CNTN4: variants seen among roughly 807,000 people sequenced by gnomAD.
CNTN4 encodes contactin 4, also known as contactin-4.
CNTN4 carries 77 observed loss-of-function variants against 122.5 expected under a neutral mutation model. That is an observed-to-expected ratio of 0.63 (90% CI 0.52 to 0.76). The LOEUF (loss-of-function observed/expected upper bound fraction) is 0.76. Ranked by LOEUF, CNTN4 falls within the 30% of genes least tolerant of loss-of-function variation. The probability of loss-of-function intolerance (pLI) is 0.00; values close to 1 mark genes in which losing one functional copy is unlikely to be tolerated. For synonymous variants in CNTN4, 512 were observed against 447.0 expected, an observed-to-expected ratio of 1.15 and a Z score of -1.83; for missense variants, 1,256 against 1,259.1, an observed-to-expected ratio of 1.00 and a Z score of 0.04.
At chr3:2,396,884 C>T (rs1210686646) in intron 3 of CNTN4, among the ~76,000 whole-genome samples, 1 of 152,082 alleles carries the variant, frequency 6.6e-6, no homozygotes, top group Non-Finnish European at 1.5e-5. Flanking sequence ...TAATGTCATT[C>T]TTCCCATTTA....
chr3:2,693,261 G>A (rs1342150904), intron 4 of CNTN4, among the ~76,000 whole-genome samples: 1 of 152,086 alleles, frequency 6.6e-6, no homozygotes, highest in Non-Finnish European at 1.5e-5. Context: ...TTTGACCAGT[G>A]CATATTTCTG....
intron 3 of CNTN4, among the ~76,000 whole-genome samples, chr3:2,381,523 G>A (rs977231300): frequency 6.6e-6 from 1 of 152,114 alleles, no homozygotes; most frequent in Admixed American, 6.5e-5. Context: ...GTTCTGTAAT[G>A]TGGCATTAAT....
At chr3:2,172,738 T>A (rs1407572359) in intron 2 of CNTN4, among the ~76,000 whole-genome samples, 2 of 152,168 alleles carry the variant, frequency 1.3e-5, no homozygotes, top group African/African-American at 4.8e-5. Context: ...TATAGCAGAT[T>A]GCAGGAGACT....
chr3:2,874,259 G>A (rs983454486), intron 8 of CNTN4, among the ~76,000 whole-genome samples: 3 of 152,178 alleles, frequency 2.0e-5, no homozygotes, highest in African/African-American at 7.2e-5. Context: ...CTCGTTGTGT[G>A]TGGCACACTA....
intron 14 of CNTN4, among the ~76,000 whole-genome samples, chr3:2,991,782 C>T (rs1169463898): frequency 6.6e-6 from 1 of 152,156 alleles, no homozygotes; most frequent in Non-Finnish European, 1.5e-5. Flanking sequence ...AGCCCTGCAC[C>T]TTTAGTGCAA....
chr3:2,775,278 C>A (rs1321541529), intron 6 of CNTN4, among the ~76,000 whole-genome samples: 1 of 152,118 alleles, frequency 6.6e-6, no homozygotes, highest in Non-Finnish European at 1.5e-5. Flanking sequence ...TGTTTTCAAG[C>A]CTCATCTCTT....
chr3:2,303,345 C>A (rs1021992664), intron 2 of CNTN4, among the ~76,000 whole-genome samples: 1 of 152,084 alleles, frequency 6.6e-6, no homozygotes, highest in Non-Finnish European at 1.5e-5. Context: ...CCCTGCCCCC[C>A]AAAATTGCTT....
At chr3:2,978,821 A>G (rs1200434417) in intron 13 of CNTN4, among the ~76,000 whole-genome samples, 3 of 152,078 alleles carry the variant, frequency 2.0e-5, no homozygotes, top group Admixed American at 6.5e-5. Flanking sequence ...CAGCTCTGCC[A>G]TCCTCCCCTC....
chr3:2,388,940 C>A (rs1313702175), intron 3 of CNTN4, among the ~76,000 whole-genome samples: 3 of 151,930 alleles, frequency 2.0e-5, no homozygotes, highest in East Asian at 3.9e-4. Context: ...GGTAGATCAC[C>A]TAAGGTCAGG....
chr3:2,743,328 T>C (rs959225496), intron 5 of CNTN4, among the ~76,000 whole-genome samples: 2 of 152,210 alleles, frequency 1.3e-5, no homozygotes, highest in African/African-American at 4.8e-5. Context: ...ATAGAGCTGC[T>C]AGAATATAAC....
At chr3:2,777,513 A>C (rs2091372242) in intron 6 of CNTN4, among the ~76,000 whole-genome samples, 1 of 152,192 alleles carries the variant, frequency 6.6e-6, no homozygotes. Flanking sequence ...AAGTGACCTT[A>C]CCCTCTCTGG....
intron 6 of CNTN4, among the ~76,000 whole-genome samples, chr3:2,747,480 A>T (rs145975744): frequency 4.7e-4 from 2 of 4,228 alleles, no homozygotes; most frequent in African/African-American, 5.3e-4. Context: ...GCTTACATTT[A>T]AAAAAAAAAA....
intron 3 of CNTN4, among the ~76,000 whole-genome samples, chr3:2,445,932 G>A (rs75871790): frequency 4.4e-3 from 675 of 152,244 alleles, no homozygotes; most frequent in Non-Finnish European, 7.5e-3. Context: ...TAGGTTGTAT[G>A]ATTCTTGAGG....
chr3:2,285,021 A>T (rs1055677911), intron 2 of CNTN4, among the ~76,000 whole-genome samples: 1 of 151,996 alleles, frequency 6.6e-6, no homozygotes, highest in Non-Finnish European at 1.5e-5. Context: ...ATCTAATAAG[A>T]TACGTTTTTA....
intron 3 of CNTN4, among the ~76,000 whole-genome samples, chr3:2,503,546 T>G (rs2076653116): frequency 6.6e-6 from 1 of 152,116 alleles, no homozygotes; most frequent in South Asian, 2.1e-4. Flanking sequence ...ATTATCCCCA[T>G]TTTACAGAAA....
Position 2,703,073 on chromosome 3 carries a change from C to T in CNTN4, c.56-33142C>T, listed in dbSNP as rs1490004518. ...CAGGTAGTATCTAATTCAATTATCA[C>T]AGCACTAGGCAATAGTTATTCTTAT... On this transcript the variant is annotated intron_variant, in intron 4 of 24. Coordinates refer to ENST00000418658, the MANE Select transcript of CNTN4 (RefSeq NM_175607.3). 3.9e-5 allele frequency among the ~76,000 whole-genome samples: 6 copies of T among 152,286 alleles called. No individual in the cohort carries two copies. In the East Asian group the frequency reaches 7.7e-4, roughly 20 times the overall value.
At chr3:2,940,997 G>T (rs1319272700) in intron 13 of CNTN4, among the ~76,000 whole-genome samples, 1 of 152,176 alleles carries the variant, frequency 6.6e-6, no homozygotes, top group African/African-American at 2.4e-5. Context: ...GAGGTGGTTT[G>T]TTCCAAAGGA....
intron 3 of CNTN4, among the ~76,000 whole-genome samples, chr3:2,443,878 G>C (rs1314542107): frequency 1.3e-5 from 2 of 152,038 alleles, no homozygotes; most frequent in African/African-American, 4.8e-5. Flanking sequence ...TGTATAAATG[G>C]ATTCATTTGT....
chr3:2,641,143 A>G (rs1330474296), intron 4 of CNTN4, among the ~76,000 whole-genome samples: 1 of 152,198 alleles, frequency 6.6e-6, no homozygotes, highest in Non-Finnish European at 1.5e-5. Context: ...TTTTTAAAAA[A>G]GAAATGCACC....
Sources: gnomAD v4.1 joint callset for allele counts (sites outside exome capture counted in the v4.1 genomes callset) on GRCh38, gnomAD v4.1.1 for gene constraint, MANE v1.5 for transcripts, NCBI Gene and HGNC (gene_info 2026-07-23, HGNC 2026-07-21) for gene names.